Variants in TCF7L1 observed in about 807,000 individuals in gnomAD.
The protein encoded by TCF7L1 is transcription factor 7 like 1.
Under a neutral mutation model 63.7 loss-of-function variants are expected in TCF7L1, and 18 were observed. That is an observed-to-expected ratio of 0.28 (90% CI 0.20 to 0.42). The LOEUF (loss-of-function observed/expected upper bound fraction) is 0.42. TCF7L1 is among the 10% of genes least tolerant of loss of function. The probability of loss-of-function intolerance (pLI) is 1.00; values close to 1 mark genes in which losing one functional copy is unlikely to be tolerated. For synonymous variants in TCF7L1, 355 were observed against 340.9 expected, an observed-to-expected ratio of 1.04 and a Z score of -0.46; for missense variants, 654 against 779.3, an observed-to-expected ratio of 0.84 and a Z score of 1.91.
At chr2:85,251,811 G>A (rs1223994026) in intron 3 of TCF7L1, among the ~76,000 whole-genome samples, 5 of 152,152 alleles carry the variant, frequency 3.3e-5, no homozygotes, top group African/African-American at 7.2e-5. Context: ...AGTGGCTCAC[G>A]CCTGTAATCC....
At chr2:85,184,700 T>C (rs935652726) in intron 3 of TCF7L1, among the ~76,000 whole-genome samples, 1 of 151,832 alleles carries the variant, frequency 6.6e-6, no homozygotes, top group African/African-American at 2.4e-5. Flanking sequence ...ACTTGGACCC[T>C]CTCTCAGGGG....
At chr2:85,155,991 A>G (rs1297018336) in intron 3 of TCF7L1, among the ~76,000 whole-genome samples, 1 of 152,194 alleles carries the variant, frequency 6.6e-6, no homozygotes, top group Non-Finnish European at 1.5e-5. Flanking sequence ...GATCTTGAAT[A>G]AATTAAAAAC....
At chr2:85,239,691 C>T (rs1558643021) in intron 3 of TCF7L1, among the ~76,000 whole-genome samples, 1 of 152,068 alleles carries the variant, frequency 6.6e-6, no homozygotes, top group African/African-American at 2.4e-5. Flanking sequence ...GCCTGTAATC[C>T]AGGCACCTTG....
intron 3 of TCF7L1, among the ~76,000 whole-genome samples, chr2:85,221,540 C>T (rs926842727): frequency 1.3e-5 from 2 of 152,150 alleles, no homozygotes; most frequent in East Asian, 1.9e-4. Context: ...CTTACTGCAT[C>T]GTCCTATAGC....
chr2:85,150,391 G>A (rs574342524), intron 3 of TCF7L1, among the ~76,000 whole-genome samples: 13 of 152,162 alleles, frequency 8.5e-5, no homozygotes, highest in Non-Finnish European at 1.2e-4. Flanking sequence ...CCGCCACCAC[G>A]CCTGGCTAAT....
chr2:85,264,755 G>A (rs1680929983), intron 3 of TCF7L1, among the ~76,000 whole-genome samples: 1 of 152,270 alleles, frequency 6.6e-6, no homozygotes, highest in East Asian at 1.9e-4. Flanking sequence ...TAAAGACCAA[G>A]CCCTGGATTT....
At chr2:85,277,023 A>G (rs1333561539) in intron 3 of TCF7L1, among the ~76,000 whole-genome samples, 2 of 152,116 alleles carry the variant, frequency 1.3e-5, no homozygotes, top group African/African-American at 4.8e-5. Context: ...GCAGGGCAGC[A>G]TGGTGCGTTC....
intron 3 of TCF7L1, among the ~76,000 whole-genome samples, chr2:85,234,126 C>CTT (rs1573002620): frequency 9.6e-6 from 1 of 104,332 alleles, no homozygotes; most frequent in Non-Finnish European, 2.1e-5. Flanking sequence ...TTTCTTTTTT[C>CTT]TTTTCTTTTT....
chr2:85,277,769 G>A (rs1681309881), intron 3 of TCF7L1, among the ~76,000 whole-genome samples: 2 of 152,232 alleles, frequency 1.3e-5, no homozygotes, highest in South Asian at 4.1e-4. Flanking sequence ...ACTGTGGGGA[G>A]CTGTGGATTC....
Position 85,255,135 on chromosome 2 carries a change from G to C in TCF7L1, c.442-28360G>C, listed in dbSNP as rs1367145117. On this transcript the variant is annotated intron_variant, in intron 3 of 11. Coordinates refer to ENST00000282111, the MANE Select transcript of TCF7L1 (RefSeq NM_031283.3). ...TCAAGAGTGTGTCTTGAGCTGGTTAGAAACTTACCATCCTGGGCCCCACGA... is the reference window on the plus strand; with the variant it reads ...TCAAGAGTGTGTCTTGAGCTGGTTACAAACTTACCATCCTGGGCCCCACGA... 1.1e-4 allele frequency among the ~76,000 whole-genome samples: 17 copies of C among 152,266 alleles called. No homozygotes were observed. In the South Asian group the frequency reaches 3.5e-3, roughly 32 times the overall value.
chr2:85,262,422 G>A (rs1680880405), intron 3 of TCF7L1, among the ~76,000 whole-genome samples: 2 of 151,992 alleles, frequency 1.3e-5, no homozygotes, highest in South Asian at 4.2e-4. Context: ...AGAATAAGAT[G>A]TAGGCTTAGG....
intron 3 of TCF7L1, among the ~76,000 whole-genome samples, chr2:85,211,588 CA>C (rs1337506963): frequency 2.6e-5 from 4 of 152,154 alleles, no homozygotes; most frequent in Non-Finnish European, 5.9e-5. Context: ...TCCCTGCCCT[CA>C]CCTAGCTTAT....
intron 3 of TCF7L1, among the ~76,000 whole-genome samples, chr2:85,184,395 G>C (rs1264184040): frequency 6.6e-6 from 1 of 152,142 alleles, no homozygotes; most frequent in Non-Finnish European, 1.5e-5. Context: ...CCTGAAGATT[G>C]TGGGACCTTC....
chr2:85,193,583 T>C (rs1415603464), intron 3 of TCF7L1, among the ~76,000 whole-genome samples: 1 of 152,234 alleles, frequency 6.6e-6, no homozygotes, highest in East Asian at 1.9e-4. Flanking sequence ...AGCATTTGAA[T>C]AAAGTCTGTG....
intron 11 of TCF7L1, 130 bp from the exon 12 acceptor site, chr2:85,308,899 G>C (rs1664130296): frequency 9.5e-7 from 1 of 1,055,688 alleles, no homozygotes; most frequent in African/African-American, 1.6e-5. Context: ...TGAAAGCCTT[G>C]GAAGTAATGT....
intron 4 of TCF7L1, among the ~76,000 whole-genome samples, chr2:85,288,069 T>TCAC (rs991429772): frequency 6.6e-6 from 1 of 152,136 alleles, no homozygotes; most frequent in Non-Finnish European, 1.5e-5. Context: ...ACTCCCAGCG[T>TCAC]CACCACCACC....
At chr2:85,227,884 C>T (rs1269824134) in intron 3 of TCF7L1, among the ~76,000 whole-genome samples, 1 of 148,604 alleles carries the variant, frequency 6.7e-6, no homozygotes, top group East Asian at 2.0e-4. Flanking sequence ...CCCAGCTACT[C>T]GGGAGGCTGA....
chr2:85,141,115 A>G lies in TCF7L1; in HGVS notation c.441+6665A>G, dbSNP rs1389206923. 3.3e-5 allele frequency among the ~76,000 whole-genome samples: 5 copies of G among 152,142 alleles called. No homozygotes were observed. In the South Asian group the frequency reaches 6.2e-4, roughly 19 times the overall value. On this transcript the variant is annotated intron_variant, in intron 3 of 11. Coordinates refer to ENST00000282111, the MANE Select transcript of TCF7L1 (RefSeq NM_031283.3). ...AGCCTGTACAACATTGCAAGACCCA[A>G]TCTCTAACAAAATTTTAAAACTTGT...
At chr2:85,204,300 C>G (rs913344613) in intron 3 of TCF7L1, among the ~76,000 whole-genome samples, 1 of 108,634 alleles carries the variant, frequency 9.2e-6, no homozygotes, top group African/African-American at 3.6e-5. Flanking sequence ...TTCCCCCCCC[C>G]CCCCCACTTA....
Sources: gnomAD v4.1 joint callset for allele counts (sites outside exome capture counted in the v4.1 genomes callset) on GRCh38, gnomAD v4.1.1 for gene constraint, MANE v1.5 for transcripts, NCBI Gene and HGNC (gene_info 2026-07-23, HGNC 2026-07-21) for gene names.